CDON: variants seen among roughly 807,000 people sequenced by gnomAD.
The protein encoded by CDON is cell adhesion molecule-related/down-regulated by oncogenes.
A neutral mutation model predicts 120.9 loss-of-function variants in CDON; 73 were observed. The observed-to-expected ratio is 0.60, with a 90% CI of 0.50 to 0.73. The LOEUF (loss-of-function observed/expected upper bound fraction) is 0.73. Ranked by LOEUF, CDON falls within the 30% of genes least tolerant of loss-of-function variation. The probability of loss-of-function intolerance (pLI) is 0.00; values close to 1 mark genes in which losing one functional copy is unlikely to be tolerated. For synonymous variants in CDON, 566 were observed against 573.5 expected, an observed-to-expected ratio of 0.99 and a Z score of 0.19; for missense variants, 1,470 against 1,587.3, an observed-to-expected ratio of 0.93 and a Z score of 1.26.
chr11:126,030,503 T>TTA (rs1422747186), intron 1 of CDON, among the ~76,000 whole-genome samples: 1 of 152,242 alleles, frequency 6.6e-6, no homozygotes, highest in African/African-American at 2.4e-5. Context: ...TTGAGATCAG[T>TTA]TATAGTTCTT....
At chr11:125,986,309 A>C (rs1245317179) in intron 15 of CDON, among the ~76,000 whole-genome samples, 2 of 151,870 alleles carry the variant, frequency 1.3e-5, no homozygotes, top group Non-Finnish European at 2.9e-5. Flanking sequence ...GGGGGAGGGG[A>C]TGTGGGAGGG....
intron 10 of CDON, 121 bp downstream of exon 10, chr11:126,003,781 C>T (rs1947030113): frequency 1.1e-6 from 1 of 911,492 alleles, no homozygotes. Flanking sequence ...GATTGTGCTA[C>T]TGCACTCCAG....
At chr11:126,006,158 AT>A in intron 8 of CDON, 101 bp from the exon 9 acceptor site, 1 of 1,071,672 alleles carries the variant, frequency 9.3e-7, no homozygotes, top group Non-Finnish European at 1.4e-6. Flanking sequence ...TGTTAGCACA[AT>A]TTGAGCCCCA....
rs759012684 is a variant in CDON, at chr11:125,989,722, T to C, written c.2688A>G (p.Pro896=). 8.1e-6 allele frequency: 13 copies of C among 1,613,314 alleles called. No homozygotes were observed. The highest frequency in any genetic ancestry group is 1.1e-5 in the Non-Finnish European group (13 of 1,179,360). ...GCATTTTAATGTCATAGGAGGTTTC[T>C]GGCTGCAGGTGGCCAATCATGTGCC... ...KQWHMIGHLQ[P]ETSYDIKMQC... is the part of the protein sequence containing the mutation. The change falls in exon 15 of 20, where the codon CCA becomes CCG. Residue 896 remains proline (P), a synonymous_variant. Coordinates refer to ENST00000531738, the MANE Select transcript of CDON (RefSeq NM_001378964.1).
rs141160538 is a variant in CDON at position 125,957,533 on chromosome 11, A to G, written c.*3409T>C. On this transcript the variant is annotated 3_prime_UTR_variant, in exon 20 of 20. Coordinates refer to ENST00000531738, the MANE Select transcript of CDON (RefSeq NM_001378964.1). The stretch of plus-strand genomic sequence containing the variant: ...AAGCTACATCATTTAAAATATGTAC[A>G]GTTTCACACACAATATTACAACTTT... 1 of 152,260 alleles carries G rather than the reference A, an allele frequency of 6.6e-6. No homozygotes were observed. Among genetic ancestry groups the G allele is most frequent in the African/African-American group, 2.4e-5 (1 of 41,472 alleles). 9.4% of individuals were successfully genotyped at this position (152,260 alleles called of 1,614,324 possible).
Position 125,994,344 on chromosome 11 carries a change from T to C in CDON, c.2590A>G (p.Ile864Val). 2.5e-6 allele frequency: 4 copies of C among 1,601,532 alleles called. No individual in the cohort carries two copies. The highest frequency in any genetic ancestry group is 3.4e-6 in the Non-Finnish European group (4 of 1,168,604). ...TCACTATCTGTTGGTCGGTAATAGATATAAAATCCTTGAATGGGAGTGTTA... is the reference window on the plus strand; with the variant it reads ...TCACTATCTGTTGGTCGGTAATAGACATAAAATCCTTGAATGGGAGTGTTA... ...NNNTPIQGFY[I>V]YYRPTDSDND... The change falls in exon 14 of 20, where the codon ATC (isoleucine) becomes GTC (valine). Residue 864 changes from isoleucine to valine, a missense_variant. By Grantham distance (29) the Ile-to-Val change is conservative. Transcript: ENST00000531738.
chr11:125,981,768 T>C (rs1946308445), intron 16 of CDON, among the ~76,000 whole-genome samples: 1 of 152,002 alleles, frequency 6.6e-6, no homozygotes, highest in Non-Finnish European at 1.5e-5. Flanking sequence ...CTATATATTA[T>C]ACTTCTAAGT....
intron 7 of CDON, 119 bp from the exon 8 acceptor site, chr11:126,010,813 CCTT>C: frequency 3.9e-6 from 3 of 776,326 alleles, no homozygotes; most frequent in Admixed American, 2.0e-5. Flanking sequence ...ATAGCTACCT[CCTT>C]ATTAGTTCCC....
At chr11:126,020,718 A>T (rs931246902) in intron 3 of CDON, among the ~76,000 whole-genome samples, 3 of 152,248 alleles carry the variant, frequency 2.0e-5, no homozygotes, top group African/African-American at 7.2e-5. Context: ...GATTTTCCGT[A>T]AGTTCAATAC....
At chr11:125,966,429 T>G (rs1382860528) in intron 18 of CDON, among the ~76,000 whole-genome samples, 1 of 152,102 alleles carries the variant, frequency 6.6e-6, no homozygotes, top group Non-Finnish European at 1.5e-5. Context: ...GCACATCAGT[T>G]CCCACGACAA....
intron 15 of CDON, among the ~76,000 whole-genome samples, chr11:125,987,989 G>A (rs11220303): frequency 1.3e-5 from 2 of 152,106 alleles, no homozygotes; most frequent in Non-Finnish European, 2.9e-5. Context: ...TTTTAAAAAC[G>A]TACTTTTTCA....
chr11:125,998,069 A>G (rs1336160136), intron 11 of CDON, among the ~76,000 whole-genome samples: 2 of 152,266 alleles, frequency 1.3e-5, no homozygotes, highest in East Asian at 3.9e-4. Context: ...CATGTAGAAA[A>G]GGGGGTCAGG....
At position 126,017,451 on chromosome 11, in the gene CDON, T is replaced by C. The variant is rs1475742869; in HGVS notation, c.641-76A>G. ...CTCTTGCTTAGCAAACCTGTGGGCATCACCATTTTCCCATGTATTCTTTAT... is the reference window on the plus strand; with the variant it reads ...CTCTTGCTTAGCAAACCTGTGGGCACCACCATTTTCCCATGTATTCTTTAT... On this transcript the variant is annotated intron_variant, in intron 5 of 19. Transcript: ENST00000531738. 5.0e-6 allele frequency: 7 copies of C among 1,387,026 alleles called. No homozygotes were observed. The African/African-American group carries it at 7.1e-5, about 14-fold the overall frequency. 85.9% of individuals were successfully genotyped at this position (1,387,026 alleles called of 1,614,324 possible).
chr11:126,023,688 C>T (rs143628641), intron 1 of CDON, 151 bp from the exon 2 acceptor site: 1 of 622,362 alleles, frequency 1.6e-6, no homozygotes, highest in African/African-American at 1.8e-5. Flanking sequence ...CTTCCCAATT[C>T]ACAGACTGAT....
rs371911236 is a variant in CDON at position 125,958,565 on chromosome 11, A to ATATATATGTGTGTGTGTGTGTGTGTG, written c.*2376_*2377insCACACACACACACACACACATATATA. ...AAGGCAATTATATATATATATATAT[A>ATATATATGTGTGTGTGTGTGTGTGTG]TGTGTGTGTGTGTGTGTGTGTGTGT... On this transcript the variant is annotated 3_prime_UTR_variant, in exon 20 of 20. Coordinates refer to ENST00000531738, the MANE Select transcript of CDON (RefSeq NM_001378964.1). 6.1e-5 allele frequency: 8 copies of ATATATATGTGTGTGTGTGTGTGTGTG among 130,104 alleles called. No individual in the cohort carries two copies. Among genetic ancestry groups the ATATATATGTGTGTGTGTGTGTGTGTG allele is most frequent in the African/African-American group, 1.7e-4 (6 of 34,908 alleles). 8.1% of individuals were successfully genotyped at this position (130,104 alleles called of 1,614,324 possible). A position where few individuals can be genotyped will look rare whatever the true frequency, so the allele number is the denominator to read the frequency against.
chr11:125,965,099 T>A (rs1270031812), intron 18 of CDON, among the ~76,000 whole-genome samples: 1 of 152,084 alleles, frequency 6.6e-6, no homozygotes, highest in Admixed American at 6.5e-5. Flanking sequence ...GCTAATTTTT[T>A]GTGTGTATTT....
At chr11:126,021,641 A>G (rs1947641784) in intron 2 of CDON, 121 bp from the exon 3 acceptor site, 1 of 892,794 alleles carries the variant, frequency 1.1e-6, no homozygotes, top group Non-Finnish European at 1.7e-6. Flanking sequence ...TTTATTTTAT[A>G]TATGTTATGG....
chr11:125,957,487 T>C lies in CDON; in HGVS notation c.*3455A>G, dbSNP rs574688562. On this transcript the variant is annotated 3_prime_UTR_variant, in exon 20 of 20. Transcript: ENST00000531738. ...CCTTCTCTTTTAATATAAAATCATA[T>C]CAACCAAATAAAACCTGCCAAAGCT... The C allele has an allele frequency of 6.6e-6, 1 of 152,340 alleles. No homozygotes were observed. The highest frequency in any genetic ancestry group is 1.9e-4 in the East Asian group (1 of 5,194). The allele number at this position is 152,340 out of a possible 1,614,324, so 9.4% of individuals were successfully genotyped here.
At chr11:126,055,999 C>A (rs1354311832) in intron 1 of CDON, among the ~76,000 whole-genome samples, 4 of 152,170 alleles carry the variant, frequency 2.6e-5, no homozygotes. Context: ...TATTTCCTAC[C>A]TCCAAAATCA....
Sources: allele counts gnomAD v4.1 joint callset (sites outside exome capture counted in the v4.1 genomes callset), GRCh38; gene constraint gnomAD v4.1.1; transcripts MANE v1.5; gene names NCBI Gene and HGNC (gene_info 2026-07-23, HGNC 2026-07-21).